The following CAMKK2 variants were observed in gnomAD, a reference collection of about 807,000 sequenced individuals.
The protein encoded by CAMKK2 is calcium/calmodulin-dependent protein kinase kinase 2.
CAMKK2 carries 30 observed loss-of-function variants against 67.2 expected under a neutral mutation model. That is an observed-to-expected ratio of 0.45 (90% CI 0.33 to 0.61). The LOEUF (loss-of-function observed/expected upper bound fraction) is 0.61. Ranked by LOEUF, CAMKK2 falls within the 20% of genes least tolerant of loss-of-function variation. The pLI is 0.02. For synonymous variants in CAMKK2, 322 were observed against 326.2 expected (o/e 0.99, Z 0.14); for missense variants, 643 against 802.0 (o/e 0.80, Z 2.39).
rs1313660552 is a variant in CAMKK2 at position 121,245,172 on chromosome 12, T to C, written c.1521A>G (p.Glu507=). ...AGTTTCCAGGCGCTGACAGTGAGCG[T>C]TCCTCCCGCCGGCTGCCCTCGAATG... ...GNPFEGSRRE[E]RSLSAPGNLL... The change falls in exon 15 of 17, where the codon GAA becomes GAG. Residue 507 remains glutamate (E), a synonymous_variant. Transcript: ENST00000404169. The surrounding 1 kb of genome is among the most constrained non-coding windows in gnomAD (Gnocchi z 5.8). 2 of 1,607,128 alleles carry C rather than the reference T, an allele frequency of 1.2e-6. No individual in the cohort carries two copies. The highest frequency in any genetic ancestry group is 1.7e-5 in the Admixed American group (1 of 59,404).
At chr12:121,274,002 G>A in intron 2 of CAMKK2, 54 bp downstream of exon 2, 8 of 1,294,352 alleles carry the variant, frequency 6.2e-6, no homozygotes, top group Non-Finnish European at 8.3e-6. Context: ...CCTGCTGGGG[G>A]CAGGGAAGGG....
intron 7 of CAMKK2, among the ~76,000 whole-genome samples, chr12:121,256,896 ATCTGTTTTTGGTTCTT>A (rs1385426683): frequency 1.3e-5 from 2 of 152,030 alleles, no homozygotes; most frequent in Non-Finnish European, 2.9e-5. Context: ...ATGTGTGGAT[ATCTGTTTTTGGTTCTT>A]TTGGGTATAT....
Position 121,253,357 on chromosome 12 carries a change from G to A in CAMKK2, c.1023C>T (p.Asp341=), listed in dbSNP as rs771101362. 22 of 1,614,186 alleles carry A rather than the reference G, an allele frequency of 1.4e-5. No homozygotes were observed. In the Admixed American group the frequency reaches 1.7e-4, roughly 12 times the overall value. Residue 341 remains aspartate (D), a synonymous_variant, in exon 10 of 17, where the codon GAC becomes GAT. Coordinates refer to ENST00000404169, the MANE Select transcript of CAMKK2 (RefSeq NM_001270485.2). This position sits in a 1 kb window ranked among gnomAD's most constrained non-coding sequence, Gnocchi z 5.0. ...FGVSNEFKGS[D]ALLSNTVGTP... ...TGCCCACGGTGTTGGAGAGGAGCGC[G>A]TCACTGCCCTTGAATTCATTGCTCA...
intron 1 of CAMKK2, among the ~76,000 whole-genome samples, chr12:121,280,378 T>A (rs1006822252): frequency 1.3e-5 from 2 of 152,224 alleles, no homozygotes; most frequent in African/African-American, 4.8e-5. Context: ...GGAGGATGTA[T>A]ATCGTCTCAG....
chr12:121,262,439 C>T (rs961122244), intron 6 of CAMKK2, among the ~76,000 whole-genome samples: 25 of 151,820 alleles, frequency 1.6e-4, no homozygotes, highest in African/African-American at 6.0e-4. Flanking sequence ...TTCAACCCAA[C>T]AGGCAGAGGT....
intron 5 of CAMKK2, among the ~76,000 whole-genome samples, chr12:121,267,234 C>T (rs1355544955): frequency 6.8e-6 from 1 of 147,998 alleles, no homozygotes; most frequent in Admixed American, 6.8e-5. Flanking sequence ...CTCAGCCTCT[C>T]GAGTAGCCAG....
At chr12:121,278,930 C>T (rs1046381235) in intron 1 of CAMKK2, among the ~76,000 whole-genome samples, 3 of 152,216 alleles carry the variant, frequency 2.0e-5, no homozygotes, top group Non-Finnish European at 4.4e-5. Flanking sequence ...GTGTGGCCTG[C>T]GTCCCCCAGG....
At chr12:121,275,077 C>T (rs548435167) in intron 1 of CAMKK2, among the ~76,000 whole-genome samples, 4 of 152,254 alleles carry the variant, frequency 2.6e-5, no homozygotes, top group Admixed American at 1.3e-4. Context: ...AATTGTTGCT[C>T]GGCAGGAATC....
Position 121,274,358 on chromosome 12 carries a change from C to A in CAMKK2, c.169G>T (p.Glu57Ter). The A allele has an allele frequency of 6.2e-7, 1 of 1,613,472 alleles. No individual in the cohort carries two copies. Among genetic ancestry groups the A allele is most frequent in the Non-Finnish European group, 8.5e-7 (1 of 1,179,888 alleles). The change falls in exon 2 of 17, where the codon GAG (glutamate) becomes TAG (stop). Residue 57 changes from glutamate to a stop codon, truncating the protein, a stop_gained. Transcript: ENST00000404169. LOFTEE classifies it high-confidence loss of function. ...LGMESFIVVT[E>*]CEPGCAVDLG... The stretch of plus-strand genomic sequence containing the variant: ...TCCACAGCACAGCCCGGCTCACACT[C>A]GGTGACCACAATGAAGGACTCCATG...
At chr12:121,257,558 G>T (rs1452298111) in intron 7 of CAMKK2, among the ~76,000 whole-genome samples, 1 of 152,064 alleles carries the variant, frequency 6.6e-6, no homozygotes, top group Non-Finnish European at 1.5e-5. Context: ...AAACCAAAGG[G>T]TTGTTTCAAA....
intron 1 of CAMKK2, among the ~76,000 whole-genome samples, chr12:121,286,293 A>G (rs1566137323): frequency 6.6e-6 from 1 of 152,218 alleles, no homozygotes; most frequent in Non-Finnish European, 1.5e-5. Context: ...TTGACAGGCA[A>G]CTTGACTTCC....
chr12:121,250,755 C>T (rs899210257), intron 11 of CAMKK2, among the ~76,000 whole-genome samples: 2 of 152,316 alleles, frequency 1.3e-5, no homozygotes, highest in East Asian at 1.9e-4. Flanking sequence ...GCGGACTCTC[C>T]GTGCCTAGGA....
chr12:121,274,349 G>C lies in CAMKK2; in HGVS notation c.178C>G (p.Pro60Ala). ...ESFIVVTECE[P>A]GCAVDLGLAR... ...AAGCCGAGGTCCACAGCACAGCCCG[G>C]CTCACACTCGGTGACCACAATGAAG... is the stretch of plus-strand genomic sequence containing the variant. Residue 60 changes from proline to alanine, a missense_variant, in exon 2 of 17, where the codon CCG (proline) becomes GCG (alanine). Coordinates refer to ENST00000404169, the MANE Select transcript of CAMKK2 (RefSeq NM_001270485.2). The C allele has an allele frequency of 6.2e-7, 1 of 1,613,492 alleles. No homozygotes were observed. Among genetic ancestry groups the C allele is most frequent in the African/African-American group, 1.3e-5 (1 of 75,054 alleles).
chr12:121,277,642 G>GT (rs1897058077), intron 1 of CAMKK2, among the ~76,000 whole-genome samples: 1 of 151,950 alleles, frequency 6.6e-6, no homozygotes, highest in African/African-American at 2.4e-5. Flanking sequence ...GACAAGTGTT[G>GT]TAAGATTTCA....
intron 16 of CAMKK2, among the ~76,000 whole-genome samples, chr12:121,243,177 T>TA (rs1888724890): frequency 6.6e-6 from 1 of 151,496 alleles, no homozygotes; most frequent in Non-Finnish European, 1.5e-5. Context: ...GGACTACAAG[T>TA]GTGCGCCACC....
At chr12:121,276,590 AG>A (rs1320089025) in intron 1 of CAMKK2, among the ~76,000 whole-genome samples, 3 of 152,218 alleles carry the variant, frequency 2.0e-5, no homozygotes, top group African/African-American at 7.2e-5. Context: ...CAAATGTCAC[AG>A]GTACCACTGG....
At position 121,260,898 on chromosome 12, in the gene CAMKK2, AGCCACGATCAC is replaced by A. The variant is rs556708144; in HGVS notation, c.760-554_760-544del. Among the ~76,000 whole-genome samples, 104 of 151,406 alleles carry A rather than the reference AGCCACGATCAC, an allele frequency of 6.9e-4. No homozygotes were observed. The South Asian group carries it at 0.01, about 15-fold the overall frequency. On this transcript the variant is annotated intron_variant, in intron 6 of 16. Coordinates refer to ENST00000404169, the MANE Select transcript of CAMKK2 (RefSeq NM_001270485.2). ...AACCTGGGAGGCAGAGGTTGCAGTG[AGCCACGATCAC>A]GCCATTACACTTCAGCCTGGATGAC...
At chr12:121,269,770 G>A (rs552697706) in intron 3 of CAMKK2, 189 bp from the exon 4 acceptor site, 46 of 576,156 alleles carry the variant, frequency 8.0e-5, no homozygotes, top group Admixed American at 4.4e-4. Flanking sequence ...AGATCTGGGC[G>A]GAGCGCAGTG....
intron 16 of CAMKK2, 72 bp downstream of exon 16, chr12:121,244,501 C>A (rs532660577): frequency 7.0e-7 from 1 of 1,420,834 alleles, no homozygotes. Flanking sequence ...GGGATGCCCC[C>A]GTGCTCTGCA....
Sources: gnomAD v4.1 joint callset for allele counts (sites outside exome capture counted in the v4.1 genomes callset) on GRCh38, gnomAD v4.1.1 for gene constraint, Gnocchi (gnomAD v3.1) non-coding constraint, MANE v1.5 for transcripts, NCBI Gene and HGNC (gene_info 2026-07-23, HGNC 2026-07-21) for gene names.